Variants in EVI2A observed in about 807,000 individuals in gnomAD.
EVI2A encodes ecotropic viral integration site 2A.
A neutral mutation model predicts 13.0 loss-of-function variants in EVI2A; 11 were observed. The observed-to-expected ratio is 0.85, with a 90% CI of 0.53 to 1.40. The LOEUF (loss-of-function observed/expected upper bound fraction) is 1.40. Among genes scored for constraint, EVI2A ranks in the 40% most tolerant of loss-of-function variants. The pLI is 0.00. For missense variants in EVI2A, 267 were observed against 279.5 expected (o/e 0.96, Z 0.32); for synonymous variants, 89 against 98.0 (o/e 0.91, Z 0.54).
Position 31,320,244 on chromosome 17 carries a change from A to C in EVI2A, c.-10-1221T>G, listed in dbSNP as rs140403330. 719 of 675,746 alleles carry C rather than the reference A, an allele frequency of 1.1e-3. 6 individuals are homozygous for C. In the African/African-American group the frequency reaches 0.011, roughly 11 times the overall value. 41.9% of individuals were successfully genotyped at this position (675,746 alleles called of 1,614,324 possible). On this transcript the variant is annotated intron_variant, in intron 1 of 1. Transcript: ENST00000462804. The stretch of plus-strand genomic sequence containing the variant: ...ATTTGAATGAACTAAAAGCAAAACT[A>C]TATTGTTCTCCTGAGATTTACTAAA...
At chr17:31,319,176 T>C (rs1207396680) in intron 1 of EVI2A, among the ~76,000 whole-genome samples, 153 bp from the exon 2 acceptor site, 3 of 152,242 alleles carry the variant, frequency 2.0e-5, no homozygotes, top group African/African-American at 4.8e-5. Flanking sequence ...CAACTAAATT[T>C]CTTTTCTATT....
Position 31,318,313 on chromosome 17 carries a change from T to C in EVI2A, c.701A>G (p.Gln234Arg), listed in dbSNP as rs1046380432. ...TTGCATTTTTCTTCACTAACCTATC[T>C]GTTTGTTAGTAAGTTTTTCAGTTCC... Reference protein sequence around the residue: ...EEGTEKLTNKQIG With the variant: ...EEGTEKLTNKRIG Residue 234 changes from glutamine to arginine, a missense_variant, in exon 2 of 2, where the codon CAG (glutamine) becomes CGG (arginine). Transcript: ENST00000462804. 3.1e-6 allele frequency: 5 copies of C among 1,606,518 alleles called. 1 individual carries two copies. The Admixed American group carries it at 6.9e-5, about 22-fold the overall frequency.
At position 31,318,497 on chromosome 17, in the gene EVI2A, C is replaced by T. The variant is rs184707635; in HGVS notation, c.517G>A (p.Gly173Ser). 6.8e-6 allele frequency: 11 copies of T among 1,613,900 alleles called. No homozygotes were observed. Among genetic ancestry groups the T allele is most frequent in the Non-Finnish European group, 9.3e-6 (11 of 1,180,010 alleles). The change falls in exon 2 of 2, where the codon GGC becomes AGC. Residue 173 changes from glycine to serine, a missense_variant. Gly to Ser is a moderately conservative substitution (Grantham distance 56). Transcript: ENST00000462804. ...VSSLRRSKQV[G>S]KRQPRSNGDF... is the part of the protein sequence containing the mutation. ...CCATTGCTTCTAGGCTGACGCTTGC[C>T]TACTTGTTTTGATCGTCTGAGAGAA...
At position 31,318,491 on chromosome 17, in the gene EVI2A, G is replaced by T. The variant is rs754105973; in HGVS notation, c.523C>A (p.Arg175Ser). 6.2e-7 allele frequency: 1 copy of T among 1,614,024 alleles called. No homozygotes were observed. The highest frequency in any genetic ancestry group is 8.5e-7 in the Non-Finnish European group (1 of 1,180,006). The change falls in exon 2 of 2, where the codon CGT becomes AGT. Residue 175 changes from arginine to serine, a missense_variant. Transcript: ENST00000462804. ...SLRRSKQVGK[R>S]QPRSNGDFLA... ...AAATCGCCATTGCTTCTAGGCTGAC[G>T]CTTGCCTACTTGTTTTGATCGTCTG...
chr17:31,320,261 T>C lies in EVI2A; in HGVS notation c.-11+1234A>G, dbSNP rs745316167. On this transcript the variant is annotated intron_variant, in intron 1 of 1. Coordinates refer to ENST00000462804, the MANE Select transcript of EVI2A (RefSeq NM_014210.4). The stretch of plus-strand genomic sequence containing the variant: ...GCAAAACTATATTGTTCTCCTGAGA[T>C]TTACTAAATGAAATTGCCTGGTTAA... 1.6e-5 allele frequency: 12 copies of C among 769,106 alleles called. No individual in the cohort carries two copies. In the Admixed American group the frequency reaches 1.9e-4, roughly 12 times the overall value. 47.6% of individuals were successfully genotyped at this position (769,106 alleles called of 1,614,324 possible).
Position 31,318,684 on chromosome 17 carries a change from A to C in EVI2A, c.330T>G (p.Ile110Met). 1 of 1,614,110 alleles carries C rather than the reference A, an allele frequency of 6.2e-7. No individual in the cohort carries two copies. The highest frequency in any genetic ancestry group is 2.2e-5 in the East Asian group (1 of 44,874). Residue 110 changes from isoleucine (I) to methionine (M), a missense_variant, in exon 2 of 2, where the codon ATT (isoleucine) becomes ATG (methionine). Physicochemically the swap from Ile to Met is conservative, Grantham distance 10. Coordinates refer to ENST00000462804, the MANE Select transcript of EVI2A (RefSeq NM_014210.4). Reference sequence around the variant, plus strand: ...CACCATGACTTTTGCTTGTGTTTTCAATGCTCTGTACTGTTGAAGGACTGT... The same window carrying C: ...CACCATGACTTTTGCTTGTGTTTTCCATGCTCTGTACTGTTGAAGGACTGT... Reference protein sequence around the residue: ...VSNSPSTVQSIENTSKSHGEI... With the variant: ...VSNSPSTVQSMENTSKSHGEI...
chr17:31,320,343 T>TTAAAAAAA lies in EVI2A; in HGVS notation c.-11+1151_-11+1152insTTTTTTTA. 3 of 1,176,304 alleles carry TTAAAAAAA rather than the reference T, an allele frequency of 2.6e-6. 1 individual carries two copies. Among genetic ancestry groups the TTAAAAAAA allele is most frequent in the South Asian group, 3.4e-5 (2 of 59,662 alleles). 72.9% of individuals were successfully genotyped at this position (1,176,304 alleles called of 1,614,324 possible). A position where few individuals can be genotyped will look rare whatever the true frequency, so the allele number is the denominator to read the frequency against. ...AAATGTACTTAGGAGTCCTTTTATT[T>TTAAAAAAA]AAAAAAAAAAAAAAAAGGCAGATTC... On this transcript the variant is annotated intron_variant, in intron 1 of 1. Transcript: ENST00000462804.
At position 31,318,146 on chromosome 17, in the gene EVI2A, G is replaced by A; in HGVS notation, c.*157C>T. 7 of 804,954 alleles carry A rather than the reference G, an allele frequency of 8.7e-6. No individual in the cohort carries two copies. The highest frequency in any genetic ancestry group is 1.3e-5 in the Non-Finnish European group (7 of 525,994). The allele number at this position is 804,954 out of a possible 1,614,324, so 49.9% of individuals were successfully genotyped here. Reference sequence around the variant, plus strand: ...AAAAGTACACAGTTTAAATAATTAAGCAGGCATACTTCTCCCTGTCTCACC... The same window carrying A: ...AAAAGTACACAGTTTAAATAATTAAACAGGCATACTTCTCCCTGTCTCACC... On this transcript the variant is annotated 3_prime_UTR_variant, in exon 2 of 2. Transcript: ENST00000462804.
chr17:31,320,681 T>G lies in EVI2A; in HGVS notation c.-11+814A>C, dbSNP rs549795715. Among the ~76,000 whole-genome samples, 5 of 152,298 alleles carry G rather than the reference T, an allele frequency of 3.3e-5. No individual in the cohort carries two copies. In the South Asian group the frequency reaches 1.0e-3, roughly 32 times the overall value. ...AAGATTACTTTTTAGATTATGACCT[T>G]TAGTAGACAATTAAAGGCCCAAGTC... is the stretch of plus-strand genomic sequence containing the variant. On this transcript the variant is annotated intron_variant, in intron 1 of 1. Coordinates refer to ENST00000462804, the MANE Select transcript of EVI2A (RefSeq NM_014210.4).
At chr17:31,320,486 T>A in intron 1 of EVI2A, 1 of 1,479,314 alleles carries the variant, frequency 6.8e-7, no homozygotes, top group East Asian at 2.3e-5. Flanking sequence ...GAAATGGTTG[T>A]TATATGTCAT....
chr17:31,318,101 A>T lies in EVI2A; in HGVS notation c.*202T>A. Reference sequence around the variant, plus strand: ...TTAGTTATTTTATTATTTGCTTTTTAAAATATTCAGTGTCAAAACAAAAGT... The same window carrying T: ...TTAGTTATTTTATTATTTGCTTTTTTAAATATTCAGTGTCAAAACAAAAGT... On this transcript the variant is annotated 3_prime_UTR_variant, in exon 2 of 2. Coordinates refer to ENST00000462804, the MANE Select transcript of EVI2A (RefSeq NM_014210.4). 1 of 559,204 alleles carries T rather than the reference A, an allele frequency of 1.8e-6. No individual in the cohort carries two copies. The highest frequency in any genetic ancestry group is 2.9e-6 in the Non-Finnish European group (1 of 345,126). The allele number at this position is 559,204 out of a possible 1,614,324, so 34.6% of individuals were successfully genotyped here.
chr17:31,321,603 G>T lies in EVI2A; in HGVS notation c.-119C>A, dbSNP rs2069194937. On this transcript the variant is annotated 5_prime_UTR_variant, in exon 1 of 2. Coordinates refer to ENST00000462804, the MANE Select transcript of EVI2A (RefSeq NM_014210.4). ...AGACTTGGAGAATATGAGCCTTAAA[G>T]TAAATCTGCAGTAAAAAAGGATATG... 1 of 151,924 alleles carries T rather than the reference G, an allele frequency of 6.6e-6. No individual in the cohort carries two copies. The highest frequency in any genetic ancestry group is 1.5e-5 in the Non-Finnish European group (1 of 67,976). The allele number at this position is 151,924 out of a possible 1,614,324, so 9.4% of individuals were successfully genotyped here.
Position 31,317,048 on chromosome 17 carries a change from C to T in EVI2A, c.*1255G>A, listed in dbSNP as rs1196949139. Among the ~76,000 whole-genome samples the T allele has an allele frequency of 6.6e-6, 1 of 151,914 alleles. No homozygotes were observed. Among genetic ancestry groups the T allele is most frequent in the Non-Finnish European group, 1.5e-5 (1 of 67,994 alleles). On this transcript the variant is annotated 3_prime_UTR_variant, in exon 2 of 2. Coordinates refer to ENST00000462804, the MANE Select transcript of EVI2A (RefSeq NM_014210.4). Reference sequence around the variant, plus strand: ...TCTTCAGGTGATTCTGACATGCAGCCAGGGTAAGAATCACTAGCTTAGAAG... The same window carrying T: ...TCTTCAGGTGATTCTGACATGCAGCTAGGGTAAGAATCACTAGCTTAGAAG...
chr17:31,318,416 T>G lies in EVI2A; in HGVS notation c.598A>C (p.Lys200Gln). The G allele has an allele frequency of 6.2e-7, 1 of 1,614,016 alleles. No individual in the cohort carries two copies. The highest frequency in any genetic ancestry group is 8.5e-7 in the Non-Finnish European group (1 of 1,179,990). ...ACTAGGTTGGGTCCTGTGAGCTGTT[T>G]TGTTCTTTTCCAAGTGTCTGATTCA... is the stretch of plus-strand genomic sequence containing the variant. ...PAESDTWKRT[K>Q]QLTGPNLVMQ... Residue 200 changes from lysine (K) to glutamine (Q), a missense_variant, in exon 2 of 2, where the codon AAA becomes CAA. By Grantham distance (53) the Lys-to-Gln change is moderately conservative (BLOSUM62 1). Coordinates refer to ENST00000462804, the MANE Select transcript of EVI2A (RefSeq NM_014210.4).
intron 1 of EVI2A, among the ~76,000 whole-genome samples, chr17:31,319,832 G>C (rs921303360): frequency 2.7e-5 from 4 of 150,336 alleles, no homozygotes; most frequent in Non-Finnish European, 5.9e-5. Flanking sequence ...TTCTTTTAAA[G>C]CATCATTTAT....
In EVI2A at chr17:31,316,836, T is replaced by G. The variant is rs2151524059; in HGVS notation, c.*1467A>C. ...TTGTTTTTTACAAATTGCTAATAAA[T>G]TGATAATAAAAATGATGCTTTATTT... On this transcript the variant is annotated 3_prime_UTR_variant, in exon 2 of 2. Transcript: ENST00000462804. Among the ~76,000 whole-genome samples the G allele has an allele frequency of 6.6e-6, 1 of 152,340 alleles. No individual in the cohort carries two copies. Among genetic ancestry groups the G allele is most frequent in the African/African-American group, 2.4e-5 (1 of 41,584 alleles).
Position 31,317,877 on chromosome 17 carries a change from G to A in EVI2A, c.*426C>T, listed in dbSNP as rs908844198. The A allele has an allele frequency of 6.0e-6, 1 of 167,130 alleles. No homozygotes were observed. Among genetic ancestry groups the A allele is most frequent in the African/African-American group, 2.4e-5 (1 of 41,542 alleles). 10.4% of individuals were successfully genotyped at this position (167,130 alleles called of 1,614,324 possible). A position where few individuals can be genotyped will look rare whatever the true frequency, so the allele number is the denominator to read the frequency against. On this transcript the variant is annotated 3_prime_UTR_variant, in exon 2 of 2. Transcript: ENST00000462804. Reference sequence around the variant, plus strand: ...ACACAGTTTAGCTCTCTCTATCTATGCATTAGGAATTTGACTTCCATTTGA... The same window carrying A: ...ACACAGTTTAGCTCTCTCTATCTATACATTAGGAATTTGACTTCCATTTGA...
At position 31,320,343 on chromosome 17, in the gene EVI2A, T is replaced by TTAAAAA; in HGVS notation, c.-11+1151_-11+1152insTTTTTA. On this transcript the variant is annotated intron_variant, in intron 1 of 1. Transcript: ENST00000462804. ...AAATGTACTTAGGAGTCCTTTTATT[T>TTAAAAA]AAAAAAAAAAAAAAAAGGCAGATTC... 1.4e-5 allele frequency: 17 copies of TTAAAAA among 1,176,300 alleles called. 5 individuals carry two copies. In the South Asian group the frequency reaches 1.8e-4, roughly 13 times the overall value. The allele number at this position is 1,176,300 out of a possible 1,614,324, so 72.9% of individuals were successfully genotyped here.
At chr17:31,320,414 C>A (rs749064044) in intron 1 of EVI2A, 8 of 1,609,938 alleles carry the variant, frequency 5.0e-6, no homozygotes, top group East Asian at 2.2e-5. Flanking sequence ...TGTTTCCAAA[C>A]CAACTCCTAA....
Sources: gnomAD v4.1 joint callset for allele counts (sites outside exome capture counted in the v4.1 genomes callset) on GRCh38, gnomAD v4.1.1 for gene constraint, MANE v1.5 for transcripts, NCBI Gene and HGNC (gene_info 2026-07-23, HGNC 2026-07-21) for gene names.